The following COMMD5 variants were observed in gnomAD, a reference collection of about 807,000 sequenced individuals.
COMMD5 encodes COMM domain-containing protein 5.
A neutral mutation model predicts 6.9 loss-of-function variants in COMMD5; 10 were observed. The observed-to-expected ratio is 1.44, with a 90% CI of 0.89 to 2.45. COMMD5 has a LOEUF of 2.45. Ranked by LOEUF, COMMD5 falls within the 30% of genes most tolerant of loss-of-function variation. The probability of loss-of-function intolerance (pLI) is 0.00; values close to 1 mark genes in which losing one functional copy is unlikely to be tolerated. For synonymous variants in COMMD5, 127 were observed against 125.3 expected (o/e 1.01, Z -0.09); for missense variants, 234 against 287.8 (o/e 0.81, Z 1.35).
chr8:144,838,718 G>A (rs2727230), downstream of COMMD5: 53,788 of 152,306 alleles, frequency 0.35, 9,623 homozygotes, highest in South Asian at 0.46. Context: ...CGAGGTGGGC[G>A]GATCACGAGG....
At chr8:144,841,401 C>T in exon 2 of COMMD5, 1 of 1,612,990 alleles carries the variant, frequency 6.2e-7, no homozygotes, top group Non-Finnish European at 8.5e-7. Context: ...AGGACATGGA[C>T]ATCCTAAAAT....
downstream of COMMD5, chr8:144,846,244 G>C: frequency 6.9e-7 from 1 of 1,454,076 alleles, no homozygotes; most frequent in Middle Eastern, 1.7e-4. Context: ...AGCCAAAAAG[G>C]GGCTGGGGTG....
At chr8:144,845,681 C>A (rs542202563), downstream of COMMD5, among the ~76,000 whole-genome samples, 1 of 152,314 alleles carries the variant, frequency 6.6e-6, no homozygotes, top group Non-Finnish European at 1.5e-5. Flanking sequence ...CCTTGTCATT[C>A]AGGGGGAACC....
chr8:144,841,168 TA>T (rs1829857142), exon 2 of COMMD5: 2 of 644,256 alleles, frequency 3.1e-6, no homozygotes, highest in Non-Finnish European at 5.4e-6. Flanking sequence ...GTGAACAAGG[TA>T]AAAAGTATGA....
chr8:144,851,110 G>C lies in COMMD5; in HGVS notation c.229C>G (p.Leu77Val). The C allele has an allele frequency of 6.2e-7, 1 of 1,612,440 alleles. No individual in the cohort carries two copies. Among genetic ancestry groups the C allele is most frequent in the Non-Finnish European group, 8.5e-7 (1 of 1,179,616 alleles). Residue 77 changes from leucine (L) to valine (V), a missense_variant, in exon 2 of 2, where the codon CTG becomes GTG. By Grantham distance (32) the Leu-to-Val change is conservative. Transcript: ENST00000305103. The stretch of plus-strand genomic sequence containing the variant: ...AGGGCACCCAGCTGCTCCTCCGGCA[G>C]GTTGGCGCTGACCCCAAGACGCTGC... ...AVQRLGVSANLPEEQLGALLA... is the reference protein window; with the variant it reads ...AVQRLGVSANVPEEQLGALLA...
intron 1 of COMMD5, chr8:144,842,217 C>T (rs2954677): frequency 6.2e-7 from 1 of 1,614,154 alleles, no homozygotes; most frequent in Non-Finnish European, 8.5e-7. Context: ...GTGGGAAGGC[C>T]TTCAGCCAGA....
chr8:144,841,433 TCAGAATCTCC>T (rs1417249909), exon 2 of COMMD5: 7 of 1,614,104 alleles, frequency 4.3e-6, no homozygotes, highest in Non-Finnish European at 5.9e-6. Flanking sequence ...GGGACAGTGG[TCAGAATCTCC>T]CCACAGGACT....
chr8:144,843,638 T>C (rs1223434873), intron 1 of COMMD5: 1 of 153,058 alleles, frequency 6.5e-6, no homozygotes, highest in African/African-American at 2.4e-5. Context: ...TGTATGTTTA[T>C]TTCCTGAAAT....
At chr8:144,842,167 A>G (rs997605344) in intron 1 of COMMD5, 1 of 1,614,166 alleles carries the variant, frequency 6.2e-7, no homozygotes, top group Non-Finnish European at 8.5e-7. Flanking sequence ...TAGACACCAG[A>G]GAACTCACAC....
chr8:144,843,395 C>T, intron 1 of COMMD5: 1 of 452,540 alleles, frequency 2.2e-6, no homozygotes, highest in South Asian at 4.3e-5. Flanking sequence ...TGAGACCATC[C>T]TGGGTAACAG....
chr8:144,843,235 GAATCGTTTA>G, intron 1 of COMMD5: 1 of 1,478,990 alleles, frequency 6.8e-7, no homozygotes, highest in Admixed American at 2.3e-5. Flanking sequence ...ATTTTATATG[GAATCGTTTA>G]TACTGACAAA....
intron 1 of COMMD5, chr8:144,843,279 A>C: frequency 7.5e-7 from 1 of 1,328,240 alleles, no homozygotes; most frequent in Non-Finnish European, 1.0e-6. Context: ...GTAAAGGTTC[A>C]GAATTGCTCT....
chr8:144,847,615 A>G (rs562738317), downstream of COMMD5: 1 of 152,216 alleles, frequency 6.6e-6, no homozygotes, highest in Non-Finnish European at 1.5e-5. Flanking sequence ...GAAGCAGAGC[A>G]AGGGCCGGGT....
chr8:144,838,183 C>T (rs571151175), downstream of COMMD5: 1,220 of 701,768 alleles, frequency 1.7e-3, 1 homozygote, highest in Middle Eastern at 2.5e-3. Context: ...CTCCTTCACA[C>T]GGCTGCCTTC....
At chr8:144,838,012 G>A (rs1829247688), downstream of COMMD5, 1 of 698,340 alleles carries the variant, frequency 1.4e-6, no homozygotes. Context: ...TCACAGCTGT[G>A]GAGGCCGGAA....
chr8:144,838,032 C>A, downstream of COMMD5: 1 of 697,780 alleles, frequency 1.4e-6, no homozygotes, highest in Non-Finnish European at 2.6e-6. Context: ...AATCTGAAAC[C>A]GGGGGGTCAG....
At chr8:144,853,206 A>G (rs533049057), upstream of COMMD5, 2 of 149,656 alleles carry the variant, frequency 1.3e-5, no homozygotes, top group East Asian at 3.9e-4. Flanking sequence ...ACCTCGTCTT[A>G]GACAGTTTTT....
In COMMD5 at chr8:144,850,583, G is replaced by A. The variant is rs933260291; in HGVS notation, c.*81C>T. On this transcript the variant is annotated 3_prime_UTR_variant, in exon 2 of 2. Coordinates refer to ENST00000305103, the MANE Select transcript of COMMD5 (RefSeq NM_014066.4). The surrounding 1 kb of genome is among the most constrained non-coding windows in gnomAD (Gnocchi z 4.0). ...GCCTCATGGGAAGGGCAGGGCTGTCGTGGGAAGAGTCAGCTGCACTTTGGC... is the reference window on the plus strand; with the variant it reads ...GCCTCATGGGAAGGGCAGGGCTGTCATGGGAAGAGTCAGCTGCACTTTGGC... 2.9e-5 allele frequency: 42 copies of A among 1,465,960 alleles called. No homozygotes were observed. Among genetic ancestry groups the A allele is most frequent in the Middle Eastern group, 5.0e-4 (2 of 3,984 alleles). The allele number at this position is 1,465,960 out of a possible 1,614,324, so 90.8% of individuals were successfully genotyped here.
intron 1 of COMMD5, chr8:144,843,320 T>C: frequency 2.0e-6 from 2 of 1,018,578 alleles, no homozygotes; most frequent in Non-Finnish European, 2.8e-6. Context: ...CCGAGTGTGG[T>C]GGCTTATGCC....
Sources: allele counts gnomAD v4.1 joint callset (sites outside exome capture counted in the v4.1 genomes callset), GRCh38; gene constraint gnomAD v4.1.1; non-coding constraint Gnocchi (gnomAD v3.1); transcripts MANE v1.5; gene names NCBI Gene and HGNC (gene_info 2026-07-23, HGNC 2026-07-21).